Variants in COL21A1 observed in about 807,000 individuals in gnomAD.
COL21A1 encodes the protein collagen alpha-1(XXI) chain.
A neutral mutation model predicts 137.9 loss-of-function variants in COL21A1; 149 were observed. The ratio of observed to expected loss-of-function variants is 1.08; its 90% CI spans 0.95 to 1.24. The LOEUF (loss-of-function observed/expected upper bound fraction) is 1.24, where lower values mean the gene tolerates loss of function less well. COL21A1 is among the 50% of genes most tolerant of loss of function. The pLI is 0.00. For synonymous variants in COL21A1, 456 were observed against 391.5 expected, an observed-to-expected ratio of 1.16 and a Z score of -1.95; for missense variants, 1,167 against 1,158.4, an observed-to-expected ratio of 1.01 and a Z score of -0.11.
chr6:56,205,259 A>G (rs1381941428), intron 1 of COL21A1, among the ~76,000 whole-genome samples: 4 of 152,204 alleles, frequency 2.6e-5, no homozygotes, highest in Non-Finnish European at 5.9e-5. Context: ...CAAATTGATA[A>G]CTAGAATAAC....
rs9475557 is a variant in COL21A1 at position 56,078,304 on chromosome 6, A to G, written c.1813-731T>C. On this transcript the variant is annotated intron_variant, in intron 17 of 29. Transcript: ENST00000244728. The stretch of plus-strand genomic sequence containing the variant: ...CTGCCTTTTGATGCATTTACCCAAC[A>G]TGATCATTTATCATGCAAAACAGTG... 1,392 of 440,884 alleles carry G rather than the reference A, an allele frequency of 3.2e-3. 17 individuals carry two copies. The highest frequency in any genetic ancestry group is 0.025 in the African/African-American group (1,236 of 49,486). 27.3% of individuals were successfully genotyped at this position (440,884 alleles called of 1,614,324 possible).
chr6:56,142,332 A>G (rs1274187343), intron 10 of COL21A1, among the ~76,000 whole-genome samples: 1 of 152,218 alleles, frequency 6.6e-6, no homozygotes, highest in Non-Finnish European at 1.5e-5. Flanking sequence ...AAGAGATTGG[A>G]GGATTAAACA....
rs1285431986 is a variant in COL21A1, at chr6:56,180,049, T to C, written c.169A>G (p.Lys57Glu). 1 of 1,613,840 alleles carries C rather than the reference T, an allele frequency of 6.2e-7. No individual in the cohort carries two copies. Among genetic ancestry groups the C allele is most frequent in the Non-Finnish European group, 8.5e-7 (1 of 1,179,828 alleles). Residue 57 changes from lysine (K) to glutamate (E), a missense_variant, in exon 3 of 30, where the codon AAA becomes GAA. By Grantham distance (56) the Lys-to-Glu change is moderately conservative (BLOSUM62 1). Coordinates refer to ENST00000244728, the MANE Select transcript of COL21A1 (RefSeq NM_030820.4). ...TTTGTGATATTGACAAGCCACTTTT[T>C]CACTATTTCAAAGTTTTCTGGGCCA... ...SVGPENFEIV[K>E]KWLVNITKNF...
chr6:56,104,788 A>G (rs1436974488), intron 16 of COL21A1, among the ~76,000 whole-genome samples: 4 of 152,206 alleles, frequency 2.6e-5, no homozygotes, highest in African/African-American at 9.7e-5. Flanking sequence ...AAATTTAACT[A>G]AAACCAGGCA....
upstream of COL21A1, among the ~76,000 whole-genome samples, chr6:56,248,845 ATCT>A (rs34962127): frequency 0.25 from 37,927 of 152,044 alleles, 6,053 homozygotes; most frequent in East Asian, 0.67. Context: ...ATTTGGTAAC[ATCT>A]TCTTAGATAT....
At chr6:56,262,354 A>G (rs1418919169) in intron 1 of COL21A1, among the ~76,000 whole-genome samples, 1 of 152,180 alleles carries the variant, frequency 6.6e-6, no homozygotes, top group Non-Finnish European at 1.5e-5. Flanking sequence ...TATCTACTCC[A>G]TGGCAGGCAC....
chr6:56,265,422 C>G (rs1763371113), intron 1 of COL21A1, among the ~76,000 whole-genome samples: 1 of 152,224 alleles, frequency 6.6e-6, no homozygotes, highest in African/African-American at 2.4e-5. Context: ...GGGGCTACAA[C>G]AGAGCCAACT....
chr6:56,291,448 A>G (rs941790027), intron 1 of COL21A1, among the ~76,000 whole-genome samples: 1 of 152,220 alleles, frequency 6.6e-6, no homozygotes, highest in South Asian at 2.1e-4. Context: ...CAGAAGCTGC[A>G]AACAGGCGGA....
At chr6:56,340,738 A>G (rs888266064) in intron 1 of COL21A1, among the ~76,000 whole-genome samples, 3 of 152,156 alleles carry the variant, frequency 2.0e-5, no homozygotes, top group Admixed American at 2.0e-4. Flanking sequence ...TTTTTCTCAC[A>G]CTGGAGTCAT....
chr6:56,323,420 C>T (rs11964876), intron 1 of COL21A1, among the ~76,000 whole-genome samples: 6,600 of 152,260 alleles, frequency 0.043, 182 homozygotes, highest in East Asian at 0.093. Context: ...GACCAAGTCT[C>T]GCTCTGTTAC....
intron 1 of COL21A1, chr6:56,331,788 A>T (rs1418879703): frequency 7.2e-6 from 1 of 139,554 alleles, no homozygotes; most frequent in Non-Finnish European, 1.5e-5. Context: ...CAAAATGTGA[A>T]CATAAATATG....
intron 10 of COL21A1, among the ~76,000 whole-genome samples, chr6:56,146,325 T>C (rs1213428076): frequency 3.3e-5 from 5 of 152,180 alleles, no homozygotes; most frequent in Non-Finnish European, 5.9e-5. Context: ...ACCAAGTGTG[T>C]ATTTTTAATG....
chr6:56,160,172 T>G (rs1230775490), intron 9 of COL21A1, among the ~76,000 whole-genome samples: 1 of 152,240 alleles, frequency 6.6e-6, no homozygotes, highest in Non-Finnish European at 1.5e-5. Context: ...TTTAGCTGAC[T>G]GGAGAGAAAG....
intron 1 of COL21A1, among the ~76,000 whole-genome samples, chr6:56,197,283 A>T (rs1779082798): frequency 6.6e-6 from 1 of 152,200 alleles, no homozygotes. Context: ...GGAAAAGCTT[A>T]ATAACACTGG....
In COL21A1 at chr6:56,097,025, A is replaced by C. The variant is rs531380756; in HGVS notation, c.1812+4447T>G. Among the ~76,000 whole-genome samples the C allele has an allele frequency of 2.0e-5, 3 of 152,082 alleles. No homozygotes were observed. The South Asian group carries it at 6.2e-4, about 32-fold the overall frequency. ...GTTTTCATTAATTGTTAAAAAAAAAATAGCTTGTTACGCTATCTGTTCTTA... is the reference window on the plus strand; with the variant it reads ...GTTTTCATTAATTGTTAAAAAAAAACTAGCTTGTTACGCTATCTGTTCTTA... On this transcript the variant is annotated intron_variant, in intron 17 of 29. Coordinates refer to ENST00000244728, the MANE Select transcript of COL21A1 (RefSeq NM_030820.4).
chr6:56,284,342 C>T (rs1397875632), intron 1 of COL21A1, among the ~76,000 whole-genome samples: 1 of 152,210 alleles, frequency 6.6e-6, no homozygotes, highest in East Asian at 1.9e-4. Context: ...GTGTGAGCCA[C>T]AGCACCTGGC....
At chr6:56,186,367 G>A (rs1403678891) in intron 1 of COL21A1, among the ~76,000 whole-genome samples, 1 of 152,108 alleles carries the variant, frequency 6.6e-6, no homozygotes, top group Non-Finnish European at 1.5e-5. Context: ...TGTGAATGCT[G>A]TCTATAAAAA....
At chr6:56,168,024 A>T (rs1365312683) in intron 6 of COL21A1, 100 bp downstream of exon 6, 2 of 827,950 alleles carry the variant, frequency 2.4e-6, no homozygotes, top group African/African-American at 3.4e-5. Flanking sequence ...AAGGGAATTC[A>T]TAAGTATGTT....
intron 3 of COL21A1, among the ~76,000 whole-genome samples, chr6:56,174,633 T>C (rs1389731885): frequency 1.3e-5 from 2 of 151,978 alleles, no homozygotes; most frequent in African/African-American, 2.4e-5. Context: ...TGAACATACC[T>C]ATAACTAGAG....
Sources: allele counts gnomAD v4.1 joint callset (sites outside exome capture counted in the v4.1 genomes callset), GRCh38; gene constraint gnomAD v4.1.1; transcripts MANE v1.5; gene names NCBI Gene and HGNC (gene_info 2026-07-23, HGNC 2026-07-21).